FAAH2: variants seen among roughly 807,000 people sequenced by gnomAD.
FAAH2 encodes fatty acid amide hydrolase 2, also known as fatty-acid amide hydrolase 2.
A neutral mutation model predicts 36.9 loss-of-function variants in FAAH2; 60 were observed. That is an observed-to-expected ratio of 1.63 (90% confidence interval 1.32 to 2.02). FAAH2 has a LOEUF of 2.02. FAAH2 is among the 30% of genes most tolerant of loss of function. The pLI, the probability that FAAH2 is intolerant of heterozygous loss-of-function variation, is 0.00. For missense variants in FAAH2, 689 were observed against 397.5 expected (o/e 1.73, Z -6.23); for synonymous variants, 214 against 143.8 (o/e 1.49, Z -3.49).
At chrX:57,270,372 T>C in the FAAH2 span, among the ~76,000 whole-genome samples, 49,900 of 110,722 alleles carry the variant, frequency 0.45, 11,225 homozygotes, top group African/African-American at 0.88. Flanking sequence ...TTCTATGAGG[T>C]CAGCATCATC....
chrX:57,175,417 T>C, the FAAH2 span, among the ~76,000 whole-genome samples: 1 of 112,074 alleles, frequency 8.9e-6, no homozygotes, highest in Non-Finnish European at 1.9e-5. Flanking sequence ...CATTTACATA[T>C]GGTATATTTT....
At chrX:57,389,631 T>C (rs1369312682) in intron 7 of FAAH2, among the ~76,000 whole-genome samples, 1 of 110,297 alleles carries the variant, frequency 9.1e-6, no homozygotes, top group Non-Finnish European at 1.9e-5. Flanking sequence ...CAACACACAC[T>C]TAGGATGTTT....
At chrX:57,140,598 CAAAAA>C in the FAAH2 span, among the ~76,000 whole-genome samples, 2 of 58,828 alleles carry the variant, frequency 3.4e-5, no homozygotes, top group South Asian at 1.0e-3. Context: ...GACCCCGTCT[CAAAAA>C]AAAAAAAAAA....
In FAAH2 at chrX:57,406,205, C is replaced by A. The variant is rs1271080068; in HGVS notation, c.996+25176C>A. On this transcript the variant is annotated intron_variant, in intron 7 of 10. Coordinates refer to ENST00000374900, the MANE Select transcript of FAAH2 (RefSeq NM_174912.4). Reference sequence around the variant, plus strand: ...ATGTGCCAAGGGCTCTGTATGAGTTCTTTGGCTATATATAACTTTTGTGTC... The same window carrying A: ...ATGTGCCAAGGGCTCTGTATGAGTTATTTGGCTATATATAACTTTTGTGTC... Among the ~76,000 whole-genome samples the A allele has an allele frequency of 5.4e-5, 6 of 112,089 alleles. No individual in the cohort carries two copies. The East Asian group carries it at 1.4e-3, about 26-fold the overall frequency.
chrX:57,249,334 C>T, the FAAH2 span, among the ~76,000 whole-genome samples: 32 of 111,667 alleles, frequency 2.9e-4, no homozygotes, highest in Non-Finnish European at 5.5e-4. Flanking sequence ...GAAAACAAAA[C>T]CATTAAGACC....
At chrX:57,388,787 G>A (rs535098741) in intron 7 of FAAH2, among the ~76,000 whole-genome samples, 4 of 110,769 alleles carry the variant, frequency 3.6e-5, no homozygotes, top group African/African-American at 1.3e-4. Context: ...ACTCCTACTG[G>A]AAACCACAGA....
intron 5 of FAAH2, among the ~76,000 whole-genome samples, chrX:57,351,161 C>T (rs994725453): frequency 1.3e-4 from 15 of 111,124 alleles, no homozygotes; most frequent in African/African-American, 4.9e-4. Flanking sequence ...CACAGTGGAA[C>T]ACTACTAGAA....
intron 8 of FAAH2, among the ~76,000 whole-genome samples, chrX:57,442,137 G>C: frequency 9.0e-6 from 1 of 111,065 alleles, no homozygotes; most frequent in Non-Finnish European, 1.9e-5. Context: ...GCTTGGTGCA[G>C]AGCTGAGTTC....
the FAAH2 span, among the ~76,000 whole-genome samples, chrX:57,162,404 G>T: frequency 9.0e-6 from 1 of 111,321 alleles, no homozygotes; most frequent in Non-Finnish European, 1.9e-5. Context: ...CTGAATGTTG[G>T]CCTGTCTTGC....
chrX:57,291,419 A>G (rs2051978938), intron 1 of FAAH2, among the ~76,000 whole-genome samples: 2 of 111,943 alleles, frequency 1.8e-5, no homozygotes, highest in South Asian at 3.6e-4. Flanking sequence ...TTCACCTAGT[A>G]TATGTTTGCC....
At chrX:57,328,593 C>G (rs761259408) in intron 3 of FAAH2, among the ~76,000 whole-genome samples, 3 of 111,525 alleles carry the variant, frequency 2.7e-5, no homozygotes, top group African/African-American at 9.8e-5. Flanking sequence ...AGAATGCTTG[C>G]TTGAGAACTA....
chrX:57,444,132 C>T (rs1290712206), intron 8 of FAAH2, among the ~76,000 whole-genome samples: 1 of 112,274 alleles, frequency 8.9e-6, no homozygotes, highest in Non-Finnish European at 1.9e-5. Context: ...GTACTCTCTT[C>T]AAAGCTGTCA....
the FAAH2 span, among the ~76,000 whole-genome samples, chrX:57,177,973 C>T: frequency 2.7e-5 from 3 of 110,869 alleles, no homozygotes; most frequent in Non-Finnish European, 5.7e-5. Flanking sequence ...CTAAGAGTAG[C>T]AGTCCCTGAG....
the FAAH2 span, among the ~76,000 whole-genome samples, chrX:57,234,969 C>T: frequency 7.0e-3 from 782 of 111,421 alleles, 30 homozygotes; most frequent in Admixed American, 0.068. Flanking sequence ...ACTTTAAAGG[C>T]GGAGGTTGCA....
At chrX:57,389,325 A>T (rs1307159912) in intron 7 of FAAH2, among the ~76,000 whole-genome samples, 2 of 103,949 alleles carry the variant, frequency 1.9e-5, no homozygotes, top group Admixed American at 1.1e-4. Context: ...ATATATAATG[A>T]CTAATACAAA....
intron 3 of FAAH2, among the ~76,000 whole-genome samples, chrX:57,315,583 T>A (rs2052814196): frequency 8.9e-6 from 1 of 112,010 alleles, no homozygotes; most frequent in Non-Finnish European, 1.9e-5. Flanking sequence ...GGATTATTCC[T>A]GGGATGCAAG....
At chrX:57,136,010 A>G in the FAAH2 span, 1 of 1,202,831 alleles carries the variant, frequency 8.3e-7, no homozygotes. Flanking sequence ...TCTCTGTTGG[A>G]GGAGACTCAC....
At chrX:57,441,479 G>C (rs1277267694) in intron 8 of FAAH2, among the ~76,000 whole-genome samples, 1 of 110,210 alleles carries the variant, frequency 9.1e-6, no homozygotes, top group Admixed American at 9.7e-5. Flanking sequence ...GCATCTATTT[G>C]ATTCCTCTCT....
At chrX:57,258,041 AATTAT>A in the FAAH2 span, among the ~76,000 whole-genome samples, 1 of 112,056 alleles carries the variant, frequency 8.9e-6, no homozygotes, top group South Asian at 3.7e-4. Flanking sequence ...GCTGATTTCA[AATTAT>A]ATTATACAAT....
Sources: allele counts gnomAD v4.1 joint callset (sites outside exome capture counted in the v4.1 genomes callset), GRCh38; gene constraint gnomAD v4.1.1; transcripts MANE v1.5; gene names NCBI Gene and HGNC (gene_info 2026-07-23, HGNC 2026-07-21).